The following NLK variants were observed in gnomAD, a reference collection of about 807,000 sequenced individuals.
The protein encoded by NLK is nemo like kinase.
NLK carries 11 observed loss-of-function variants against 59.0 expected under a neutral mutation model. The observed-to-expected ratio is 0.19, with a 90% CI of 0.12 to 0.31. The LOEUF is 0.31. Among genes scored for constraint, NLK ranks in the 10% least tolerant of loss-of-function variants. The pLI, the probability that NLK is intolerant of heterozygous loss-of-function variation, is 1.00. For missense variants in NLK, 410 were observed against 661.1 expected (o/e 0.62, Z 4.16); for synonymous variants, 235 against 235.9 (o/e 1.00, Z 0.03).
chr17:28,174,459 A>T (rs1908594812), intron 7 of NLK, among the ~76,000 whole-genome samples: 1 of 152,244 alleles, frequency 6.6e-6, no homozygotes, highest in African/African-American at 2.4e-5. Context: ...TTTGATTTTG[A>T]AGAGAAGACT....
intron 1 of NLK, among the ~76,000 whole-genome samples, chr17:28,107,202 G>A (rs1446129556): frequency 2.0e-5 from 3 of 152,098 alleles, no homozygotes. Context: ...GGGAGGCTGA[G>A]GTGGGTGGAT....
chr17:28,108,576 TG>T (rs1258843640), intron 1 of NLK, among the ~76,000 whole-genome samples: 6 of 152,268 alleles, frequency 3.9e-5, no homozygotes, highest in African/African-American at 1.4e-4. Flanking sequence ...TAACAATAGA[TG>T]ATATAGCAAC....
chr17:28,153,852 A>G (rs1347767092), intron 3 of NLK, among the ~76,000 whole-genome samples: 2 of 152,166 alleles, frequency 1.3e-5, no homozygotes, highest in Admixed American at 6.5e-5. Flanking sequence ...AATTTTTGGT[A>G]CATACTAGCG....
At chr17:28,076,754 CAA>C (rs1910171651) in intron 1 of NLK, among the ~76,000 whole-genome samples, 1 of 152,046 alleles carries the variant, frequency 6.6e-6, no homozygotes, top group South Asian at 2.1e-4. Context: ...CAGTGAAAAA[CAA>C]AGAAGTGGAG....
intron 6 of NLK, among the ~76,000 whole-genome samples, chr17:28,169,189 T>A (rs1908363781): frequency 6.6e-6 from 1 of 152,194 alleles, no homozygotes. Context: ...CCCGGCCAGT[T>A]GACTTTATTA....
chr17:28,058,506 G>A (rs976212565), intron 1 of NLK, among the ~76,000 whole-genome samples: 1 of 152,198 alleles, frequency 6.6e-6, no homozygotes, highest in African/African-American at 2.4e-5. Flanking sequence ...TAAAAATGAT[G>A]AGAGTTTCGA....
intron 3 of NLK, among the ~76,000 whole-genome samples, chr17:28,144,119 G>A (rs975592797): frequency 3.5e-4 from 54 of 152,150 alleles, no homozygotes; most frequent in African/African-American, 1.3e-3. Flanking sequence ...ATCTACATAC[G>A]ACATAATTTT....
intron 1 of NLK, among the ~76,000 whole-genome samples, chr17:28,077,989 TCTTC>T (rs1339837992): frequency 1.3e-5 from 2 of 152,180 alleles, no homozygotes; most frequent in Non-Finnish European, 2.9e-5. Flanking sequence ...AAGAGGTTGT[TCTTC>T]CTTAAGGTAT....
intron 1 of NLK, among the ~76,000 whole-genome samples, chr17:28,045,202 C>G (rs1909009641): frequency 6.6e-6 from 1 of 152,202 alleles, no homozygotes. Context: ...AAGTACACCT[C>G]TGTGCACCAT....
the NLK span, among the ~76,000 whole-genome samples, chr17:28,203,164 T>TACACACACACAC: frequency 3.6e-3 from 493 of 136,996 alleles, 5 homozygotes; most frequent in South Asian, 7.0e-3. Flanking sequence ...TATACATACA[T>TACACACACACAC]ACACACACAC....
At chr17:28,077,387 T>C (rs1351435460) in intron 1 of NLK, among the ~76,000 whole-genome samples, 2 of 152,072 alleles carry the variant, frequency 1.3e-5, no homozygotes, top group African/African-American at 4.8e-5. Context: ...ATGAGACTTA[T>C]TCACTACCAC....
chr17:28,118,817 T>A (rs1206868898), intron 1 of NLK, among the ~76,000 whole-genome samples: 1 of 152,214 alleles, frequency 6.6e-6, no homozygotes, highest in Non-Finnish European at 1.5e-5. Flanking sequence ...TAAGTGAGGA[T>A]TCTTTCTCAC....
chr17:28,043,410 G>A, intron 1 of NLK, 79 bp downstream of exon 1: 1 of 1,259,644 alleles, frequency 7.9e-7, no homozygotes, highest in Non-Finnish European at 1.1e-6. Context: ...TCTAATGGTT[G>A]TCTCCATGTT....
chr17:28,078,864 A>G (rs1910254592), intron 1 of NLK, among the ~76,000 whole-genome samples: 1 of 152,282 alleles, frequency 6.6e-6, no homozygotes, highest in East Asian at 1.9e-4. Context: ...CCCTTCTCAG[A>G]TTTATTGTAC....
chr17:28,109,276 C>A, intron 1 of NLK, among the ~76,000 whole-genome samples: 1 of 151,756 alleles, frequency 6.6e-6, no homozygotes. Context: ...AAAACTATAT[C>A]AAAGGGGATA....
chr17:28,123,654 C>T (rs1339227161), intron 2 of NLK, among the ~76,000 whole-genome samples: 1 of 152,082 alleles, frequency 6.6e-6, no homozygotes, highest in Non-Finnish European at 1.5e-5. Flanking sequence ...ATGTGGGAAA[C>T]AGTTTCTCCT....
chr17:28,051,131 G>T (rs984693880), intron 1 of NLK, among the ~76,000 whole-genome samples: 1 of 151,528 alleles, frequency 6.6e-6, no homozygotes, highest in Non-Finnish European at 1.5e-5. Context: ...AGGCCAAAAG[G>T]CCATTGTATT....
chr17:28,144,238 G>T (rs1190879087), intron 3 of NLK, among the ~76,000 whole-genome samples: 2 of 152,078 alleles, frequency 1.3e-5, no homozygotes, highest in African/African-American at 4.8e-5. Context: ...GCATAAAGAT[G>T]ATTTAGTGTG....
intron 3 of NLK, among the ~76,000 whole-genome samples, chr17:28,148,405 G>T (rs1378646565): frequency 6.6e-6 from 1 of 152,124 alleles, no homozygotes; most frequent in Non-Finnish European, 1.5e-5. Flanking sequence ...ATTCATAAGT[G>T]CAGGGAAAAT....
Sources: allele counts gnomAD v4.1 joint callset (sites outside exome capture counted in the v4.1 genomes callset), GRCh38; gene constraint gnomAD v4.1.1; transcripts MANE v1.5; gene names NCBI Gene and HGNC (gene_info 2026-07-23, HGNC 2026-07-21).